ATP13A4: variants seen among roughly 807,000 people sequenced by gnomAD.
ATP13A4 encodes the protein ATPase 13A4.
ATP13A4 carries 114 observed loss-of-function variants against 142.5 expected under a neutral mutation model. The observed-to-expected ratio is 0.80, with a 90% CI of 0.69 to 0.93. The LOEUF is 0.93. Among genes scored for constraint, ATP13A4 ranks in the 40% least tolerant of loss-of-function variants. The pLI is 0.00. For missense variants in ATP13A4, 1,392 were observed against 1,454.0 expected, an observed-to-expected ratio of 0.96 and a Z score of 0.69; for synonymous variants, 488 against 514.8, an observed-to-expected ratio of 0.95 and a Z score of 0.70.
Position 193,506,773 on chromosome 3 carries a change from T to C in ATP13A4, c.235-4134A>G, listed in dbSNP as rs562703529. Among the ~76,000 whole-genome samples the C allele has an allele frequency of 2.7e-4, 41 of 152,268 alleles. 1 individual carries two copies. The South Asian group carries it at 8.1e-3, about 30-fold the overall frequency. On this transcript the variant is annotated intron_variant, in intron 2 of 29. Coordinates refer to ENST00000342695, the MANE Select transcript of ATP13A4 (RefSeq NM_032279.4). Reference sequence around the variant, plus strand: ...TGGCTTTATAAGGGGCTTTCACCCTTTTGCTTGGCACTTCTCCTCGCTGCC... The same window carrying C: ...TGGCTTTATAAGGGGCTTTCACCCTCTTGCTTGGCACTTCTCCTCGCTGCC...
intron 25 of ATP13A4, among the ~76,000 whole-genome samples, chr3:193,421,651 TA>T (rs1715406203): frequency 6.7e-6 from 1 of 149,860 alleles, no homozygotes. Flanking sequence ...ATTGCGACAC[TA>T]AAATATAAAT....
rs143423792 is a variant in ATP13A4 at position 193,467,357 on chromosome 3, G to T, written c.1073C>A (p.Ala358Glu). The stretch of plus-strand genomic sequence containing the variant: ...GGCTCTCACGGTCCCAGAGCAAGCT[G>T]CCTTGGCCTGGATAACCTCTGTTCC... ...FCGTEVIQAK[A>E]ACSGTVRAVV... The change falls in exon 10 of 30, where the codon GCA (alanine) becomes GAA (glutamate). Residue 358 changes from alanine to glutamate, a missense_variant. Coordinates refer to ENST00000342695, the MANE Select transcript of ATP13A4 (RefSeq NM_032279.4). The T allele has an allele frequency of 2.5e-6, 4 of 1,614,062 alleles. No homozygotes were observed. The African/African-American group carries it at 4.0e-5, about 16-fold the overall frequency.
chr3:193,465,469 T>G (rs11708598), intron 11 of ATP13A4, among the ~76,000 whole-genome samples: 36,286 of 152,186 alleles, frequency 0.24, 4,513 homozygotes, highest in African/African-American at 0.28. Context: ...ATTACAGGCA[T>G]AAGCCACCTT....
chr3:193,474,322 CAAAAAAA>C (rs1176133187), intron 8 of ATP13A4, among the ~76,000 whole-genome samples: 4 of 69,072 alleles, frequency 5.8e-5, no homozygotes, highest in East Asian at 4.4e-4. Flanking sequence ...GACTCCGTCT[CAAAAAAA>C]AAAAAAAAAA....
intron 1 of ATP13A4, among the ~76,000 whole-genome samples, chr3:193,538,313 A>T (rs777345949): frequency 3.3e-5 from 5 of 152,108 alleles, no homozygotes; most frequent in Admixed American, 1.3e-4. Context: ...AACTTCTTAC[A>T]GGTCTGGAAA....
At chr3:193,457,805 C>T (rs1015753611) in intron 14 of ATP13A4, among the ~76,000 whole-genome samples, 2 of 152,212 alleles carry the variant, frequency 1.3e-5, no homozygotes, top group Non-Finnish European at 2.9e-5. Context: ...GAAGCAAGCA[C>T]CTTTCTGTCG....
At chr3:193,440,413 C>T (rs1716559445) in intron 21 of ATP13A4, 145 bp downstream of exon 21, 1 of 1,457,322 alleles carries the variant, frequency 6.9e-7, no homozygotes, top group Non-Finnish European at 9.3e-7. Flanking sequence ...GCTATTTTCT[C>T]CAAAGCTCCC....
At chr3:193,556,693 C>T (rs566399082), upstream of ATP13A4, among the ~76,000 whole-genome samples, 2 of 152,102 alleles carry the variant, frequency 1.3e-5, no homozygotes, top group Non-Finnish European at 2.9e-5. Flanking sequence ...TACTAAACCT[C>T]ACTGAACTCT....
At chr3:193,471,384 G>A (rs1405114141) in intron 8 of ATP13A4, among the ~76,000 whole-genome samples, 2 of 151,828 alleles carry the variant, frequency 1.3e-5, no homozygotes, top group African/African-American at 2.4e-5. Flanking sequence ...ACAATATAGC[G>A]GGAGCCCTAT....
At chr3:193,543,617 T>C (rs1044666355) in intron 1 of ATP13A4, among the ~76,000 whole-genome samples, 3 of 152,160 alleles carry the variant, frequency 2.0e-5, no homozygotes, top group African/African-American at 7.2e-5. Flanking sequence ...AAGTCTCTCT[T>C]GAGGATTTTT....
intron 24 of ATP13A4, 108 bp downstream of exon 24, chr3:193,435,540 G>T: frequency 2.2e-6 from 2 of 906,752 alleles, no homozygotes; most frequent in East Asian, 2.4e-5. Context: ...GGCTGTTGTT[G>T]TTCAGATATC....
intron 2 of ATP13A4, among the ~76,000 whole-genome samples, chr3:193,564,842 C>G (rs369163223): frequency 3.9e-5 from 6 of 152,118 alleles, no homozygotes; most frequent in South Asian, 4.1e-4. Flanking sequence ...CACATTACCC[C>G]CTGAGCTCCA....
chr3:193,464,792 C>G, intron 12 of ATP13A4, 148 bp downstream of exon 12: 4 of 868,434 alleles, frequency 4.6e-6, no homozygotes, highest in East Asian at 4.9e-5. Flanking sequence ...AGAGACATAT[C>G]TTTCCCAGAT....
upstream of ATP13A4, among the ~76,000 whole-genome samples, chr3:193,555,982 T>C (rs1322576259): frequency 6.6e-6 from 1 of 152,184 alleles, no homozygotes; most frequent in Non-Finnish European, 1.5e-5. Context: ...ACTGATCAAG[T>C]GCTGTTAGGA....
chr3:193,577,048 T>A (rs1724411735), intron 2 of ATP13A4, among the ~76,000 whole-genome samples: 1 of 152,188 alleles, frequency 6.6e-6, no homozygotes. Flanking sequence ...GTTGACTCCA[T>A]AATAGTAATC....
chr3:193,518,217 C>G (rs1301830976), intron 1 of ATP13A4, among the ~76,000 whole-genome samples: 1 of 152,104 alleles, frequency 6.6e-6, no homozygotes, highest in South Asian at 2.1e-4. Context: ...AACCCAGATG[C>G]CATCAGTGAG....
At chr3:193,404,470 C>T (rs146970494) in intron 29 of ATP13A4, among the ~76,000 whole-genome samples, 3 of 152,278 alleles carry the variant, frequency 2.0e-5, no homozygotes, top group Admixed American at 6.5e-5. Flanking sequence ...ATCCAAATCT[C>T]GTGCTGAAAT....
intron 1 of ATP13A4, among the ~76,000 whole-genome samples, chr3:193,536,378 T>G (rs1317766581): frequency 1.3e-5 from 2 of 151,972 alleles, no homozygotes; most frequent in Admixed American, 1.3e-4. Context: ...CAGACCACCA[T>G]GTTAACAGAC....
chr3:193,495,937 G>A (rs1577022388), intron 3 of ATP13A4, among the ~76,000 whole-genome samples: 1 of 151,940 alleles, frequency 6.6e-6, no homozygotes, highest in East Asian at 1.9e-4. Context: ...CAAACTATCT[G>A]AAAAAGAAAT....
Sources: allele counts gnomAD v4.1 joint callset (sites outside exome capture counted in the v4.1 genomes callset), GRCh38; gene constraint gnomAD v4.1.1; transcripts MANE v1.5; gene names NCBI Gene and HGNC (gene_info 2026-07-23, HGNC 2026-07-21).